LEKR1: variants seen among roughly 807,000 people sequenced by gnomAD.
The protein encoded by LEKR1 is leucine, glutamate and lysine rich 1, also known as protein LEKR1.
A neutral mutation model predicts 72.4 loss-of-function variants in LEKR1; 59 were observed. That is an observed-to-expected ratio of 0.82 (90% CI 0.66 to 1.01). LEKR1 has a LOEUF of 1.01. LEKR1 is among the 50% of genes least tolerant of loss of function. The pLI is 0.00. For synonymous variants in LEKR1, 257 were observed against 263.2 expected (o/e 0.98, Z 0.23); for missense variants, 728 against 759.2 (o/e 0.96, Z 0.48).
chr3:157,045,213 G>A, intron 12 of LEKR1, 127 bp from the exon 13 acceptor site: 1 of 703,392 alleles, frequency 1.4e-6, no homozygotes, highest in Admixed American at 2.9e-5. Context: ...GAGGTAGAGT[G>A]TCATAGAGAC....
chr3:156,920,857 CAATG>C (rs1293240882), intron 4 of LEKR1, 163 bp downstream of exon 4: 9 of 467,300 alleles, frequency 1.9e-5, no homozygotes, highest in Non-Finnish European at 2.6e-5. Context: ...ACCATTATCT[CAATG>C]AATAGTGTTG....
chr3:157,000,518 C>T lies in LEKR1; in HGVS notation c.1109+7241C>T, dbSNP rs1056932518. ...TAAGGCTTCTTTTCCCTATCTGTAA[C>T]GTGGGCATTTTAATAATAGCTATCT... On this transcript the variant is annotated intron_variant, in intron 9 of 12. Transcript: ENST00000356539. Among the ~76,000 whole-genome samples the T allele has an allele frequency of 2.2e-4, 33 of 152,122 alleles. No individual in the cohort carries two copies. In the East Asian group the frequency reaches 4.1e-3, roughly 19 times the overall value.
At chr3:157,032,709 T>C (rs1049518468) in intron 12 of LEKR1, among the ~76,000 whole-genome samples, 28 of 152,192 alleles carry the variant, frequency 1.8e-4, no homozygotes, top group Admixed American at 6.6e-5. Flanking sequence ...GAAAATCTAG[T>C]TATGTGACAC....
At chr3:156,946,875 T>C (rs2107972227) in intron 6 of LEKR1, among the ~76,000 whole-genome samples, 1 of 151,474 alleles carries the variant, frequency 6.6e-6, no homozygotes, top group East Asian at 1.9e-4. Flanking sequence ...GTTTTCAAAT[T>C]TATTGGCATA....
chr3:156,887,598 C>T (rs1462961649), intron 3 of LEKR1, among the ~76,000 whole-genome samples: 2 of 151,992 alleles, frequency 1.3e-5, no homozygotes, highest in Non-Finnish European at 2.9e-5. Context: ...TTCTGATGTA[C>T]ATATTGGTGC....
At chr3:157,000,807 A>G (rs1396360561) in intron 9 of LEKR1, among the ~76,000 whole-genome samples, 6 of 152,202 alleles carry the variant, frequency 3.9e-5, no homozygotes, top group Non-Finnish European at 7.3e-5. Context: ...GTCCCCACCC[A>G]AATCTCATCT....
rs1468690300 is a variant in LEKR1 at position 157,045,822 on chromosome 3, C to T, written c.*72C>T. On this transcript the variant is annotated 3_prime_UTR_variant, in exon 13 of 13. Coordinates refer to ENST00000356539, the MANE Select transcript of LEKR1 (RefSeq NM_001004316.3). The stretch of plus-strand genomic sequence containing the variant: ...AGAGAGTGCCAGGAATTCACTGTAA[C>T]TGAGAATGACAATGATAAAATTATT... 1 of 1,264,558 alleles carries T rather than the reference C, an allele frequency of 7.9e-7. No homozygotes were observed. The highest frequency in any genetic ancestry group is 2.3e-5 in the East Asian group (1 of 42,716). The allele number at this position is 1,264,558 out of a possible 1,614,324, so 78.3% of individuals were successfully genotyped here. A position where few individuals can be genotyped will look rare whatever the true frequency, so the allele number is the denominator to read the frequency against.
intron 4 of LEKR1, chr3:156,921,106 A>T (rs1724152401): frequency 6.6e-6 from 1 of 152,646 alleles, no homozygotes; most frequent in South Asian, 2.1e-4. Flanking sequence ...AGTGTAAAGC[A>T]TGTTAATTCT....
At chr3:156,936,641 A>G (rs1452832485) in intron 5 of LEKR1, among the ~76,000 whole-genome samples, 3 of 152,184 alleles carry the variant, frequency 2.0e-5, no homozygotes, top group Non-Finnish European at 2.9e-5. Flanking sequence ...GGGTTTTCAC[A>G]TGTAGTTTTT....
intron 7 of LEKR1, 33 bp from the exon 8 acceptor site, chr3:156,992,620 T>A: frequency 2.4e-6 from 1 of 414,942 alleles, no homozygotes. Context: ...TATTTTGAAA[T>A]AATATATTTT....
intron 10 of LEKR1, among the ~76,000 whole-genome samples, chr3:157,022,479 T>C (rs1733912463): frequency 6.6e-6 from 1 of 152,068 alleles, no homozygotes; most frequent in African/African-American, 2.4e-5. Flanking sequence ...AAAGCATCTT[T>C]TGAAGGTAAA....
intron 2 of LEKR1, among the ~76,000 whole-genome samples, chr3:156,849,114 C>G (rs1239208040): frequency 7.2e-5 from 11 of 152,034 alleles, no homozygotes; most frequent in African/African-American, 2.7e-4. Flanking sequence ...ACACCAATAA[C>G]AGACAAACAG....
At chr3:156,978,080 A>G (rs1292768375) in intron 6 of LEKR1, among the ~76,000 whole-genome samples, 1 of 152,230 alleles carries the variant, frequency 6.6e-6, no homozygotes, top group African/African-American at 2.4e-5. Context: ...TTAGAGATAG[A>G]TAAAGTTAAT....
At chr3:156,879,760 C>T (rs1275576709) in intron 3 of LEKR1, among the ~76,000 whole-genome samples, 1 of 152,162 alleles carries the variant, frequency 6.6e-6, no homozygotes, top group Admixed American at 6.6e-5. Flanking sequence ...TGCCCTGTGT[C>T]CTAGACACAC....
chr3:156,986,237 C>A (rs1576950745), intron 7 of LEKR1, among the ~76,000 whole-genome samples: 1 of 152,138 alleles, frequency 6.6e-6, no homozygotes, highest in African/African-American at 2.4e-5. Context: ...ACCAGTGTTT[C>A]CTGAAGAGTT....
In LEKR1 at chr3:156,870,216, AT is replaced by A. The variant is rs377466043; in HGVS notation, c.263+17241del. Among the ~76,000 whole-genome samples the A allele has an allele frequency of 6.3e-3, 955 of 151,820 alleles. 11 individuals are homozygous for A. Among genetic ancestry groups the A allele is most frequent in the African/African-American group, 0.022 (914 of 41,430 alleles). On this transcript the variant is annotated intron_variant, in intron 3 of 12. Coordinates refer to ENST00000356539, the MANE Select transcript of LEKR1 (RefSeq NM_001004316.3). ...CCCTTGGTTCCACGCAAATTTTAAG[AT>A]TTTTTTCTATCTCTGTGAAAAATGA... is the stretch of plus-strand genomic sequence containing the variant.
intron 3 of LEKR1, among the ~76,000 whole-genome samples, chr3:156,884,351 G>C (rs906334545): frequency 6.6e-6 from 1 of 151,416 alleles, no homozygotes; most frequent in African/African-American, 2.4e-5. Context: ...TTTTCCTTCT[G>C]TTGTGTTATT....
intron 3 of LEKR1, among the ~76,000 whole-genome samples, chr3:156,908,695 A>G (rs1322092176): frequency 6.6e-6 from 1 of 152,090 alleles, no homozygotes; most frequent in African/African-American, 2.4e-5. Context: ...AAATGCCCTG[A>G]TTTCTTTAAT....
At chr3:156,902,439 A>G (rs1222952969) in intron 3 of LEKR1, among the ~76,000 whole-genome samples, 1 of 147,268 alleles carries the variant, frequency 6.8e-6, no homozygotes, top group Non-Finnish European at 1.5e-5. Context: ...CAATCAAAAT[A>G]TGTTATGTTT....
Sources: gnomAD v4.1 joint callset for allele counts (sites outside exome capture counted in the v4.1 genomes callset) on GRCh38, gnomAD v4.1.1 for gene constraint, MANE v1.5 for transcripts, NCBI Gene and HGNC (gene_info 2026-07-23, HGNC 2026-07-21) for gene names.